The following KCNN3 variants were observed in gnomAD, a reference collection of about 807,000 sequenced individuals.
KCNN3 encodes the protein potassium calcium-activated channel subfamily N member 3, also known as small conductance calcium-activated potassium channel protein 3.
Under a neutral mutation model 62.9 loss-of-function variants are expected in KCNN3, and 16 were observed. That is an observed-to-expected ratio of 0.25 (90% CI 0.17 to 0.39). KCNN3 has a LOEUF of 0.39. Among genes scored for constraint, KCNN3 ranks in the 10% least tolerant of loss-of-function variants. The probability of loss-of-function intolerance (pLI) is 1.00; values close to 1 mark genes in which losing one functional copy is unlikely to be tolerated. For synonymous variants in KCNN3, 370 were observed against 389.2 expected (o/e 0.95, Z 0.58); for missense variants, 599 against 949.4 (o/e 0.63, Z 4.85).
chr1:154,778,232 T>C (rs1483602901), intron 2 of KCNN3, among the ~76,000 whole-genome samples: 2 of 152,184 alleles, frequency 1.3e-5, no homozygotes, highest in Non-Finnish European at 2.9e-5. Flanking sequence ...GATTCCAAAC[T>C]TTCCTTTAAG....
chr1:154,826,063 AAAAACAAAAACAAAAAC>A lies in KCNN3; in HGVS notation c.934-3896_934-3880del, dbSNP rs1220182835. On this transcript the variant is annotated intron_variant, in intron 1 of 7. Coordinates refer to ENST00000271915, the MANE Select transcript of KCNN3 (RefSeq NM_002249.6). ...CTCCATCTTAAAAAAAAACAAAAACAAAAACAAAAACAAAAACAAAAACAAAAAAAACCAAAAAACAC... is the reference window on the plus strand; with the variant it reads ...CTCCATCTTAAAAAAAAACAAAAACAAAAAACAAAAAAAACCAAAAAACAC... Among the ~76,000 whole-genome samples the A allele has an allele frequency of 5.0e-3, 87 of 17,458 alleles. 2 individuals are homozygous for A. Among genetic ancestry groups the A allele is most frequent in the African/African-American group, 0.017 (84 of 5,050 alleles). The allele number at this position is 17,458 out of a possible 152,430, so 11.5% of individuals were successfully genotyped here. A position where few individuals can be genotyped will look rare whatever the true frequency, so the allele number is the denominator to read the frequency against.
At chr1:154,847,363 G>T (rs565403652) in intron 1 of KCNN3, among the ~76,000 whole-genome samples, 2 of 152,180 alleles carry the variant, frequency 1.3e-5, no homozygotes, top group Non-Finnish European at 2.9e-5. Context: ...CCTGGGCAGA[G>T]GCCCAGCCAG....
chr1:154,707,093 A>G lies in KCNN3; in HGVS notation c.*883T>C, dbSNP rs1699978257. ...TTGGCTTGGCATCCATTTCAAATCA[A>G]GCAAGGTGCATATCCAGGACAAAGC... On this transcript the variant is annotated 3_prime_UTR_variant, in exon 8 of 8. Transcript: ENST00000271915. 6.6e-6 allele frequency: 1 copy of G among 152,208 alleles called. No individual in the cohort carries two copies. Among genetic ancestry groups the G allele is most frequent in the South Asian group, 2.1e-4 (1 of 4,832 alleles). 9.4% of individuals were successfully genotyped at this position (152,208 alleles called of 1,614,324 possible). A position where few individuals can be genotyped will look rare whatever the true frequency, so the allele number is the denominator to read the frequency against.
chr1:154,770,506 G>C (rs538633861), intron 3 of KCNN3, among the ~76,000 whole-genome samples: 2 of 152,156 alleles, frequency 1.3e-5, no homozygotes, highest in African/African-American at 4.8e-5. Context: ...CAATATAATC[G>C]TAAGTGTTGA....
At chr1:154,760,917 C>G (rs963406305) in intron 3 of KCNN3, among the ~76,000 whole-genome samples, 1 of 152,246 alleles carries the variant, frequency 6.6e-6, no homozygotes, top group Non-Finnish European at 1.5e-5. Flanking sequence ...GGCCACTGGC[C>G]GACGGGTCGG....
At chr1:154,782,812 G>A (rs923526399) in intron 2 of KCNN3, among the ~76,000 whole-genome samples, 1 of 152,124 alleles carries the variant, frequency 6.6e-6, no homozygotes, top group African/African-American at 2.4e-5. Flanking sequence ...AATTGCCTGG[G>A]GCTTGCAGCA....
chr1:154,756,395 C>T (rs1197130274), intron 3 of KCNN3, among the ~76,000 whole-genome samples: 4 of 152,140 alleles, frequency 2.6e-5, no homozygotes, highest in Admixed American at 6.5e-5. Flanking sequence ...AAAGGCTTTC[C>T]ACTGCACTTA....
chr1:154,818,644 G>A (rs946014845), intron 2 of KCNN3, among the ~76,000 whole-genome samples: 8 of 152,188 alleles, frequency 5.3e-5, no homozygotes, highest in Non-Finnish European at 8.8e-5. Context: ...ATGCAGCAAC[G>A]TAGCGCCGTC....
intron 2 of KCNN3, among the ~76,000 whole-genome samples, chr1:154,811,173 G>A (rs943589878): frequency 4.6e-5 from 7 of 152,164 alleles, no homozygotes; most frequent in South Asian, 2.1e-4. Flanking sequence ...ACCCCGGCCC[G>A]TGACGTTAGG....
intron 2 of KCNN3, among the ~76,000 whole-genome samples, chr1:154,780,780 T>C (rs570685757): frequency 6.6e-6 from 1 of 152,090 alleles, no homozygotes; most frequent in East Asian, 1.9e-4. Flanking sequence ...CAGCAATGGT[T>C]GGTAAAATTA....
chr1:154,771,889 G>A (rs1571259488), intron 3 of KCNN3, 86 bp downstream of exon 3: 1 of 1,352,232 alleles, frequency 7.4e-7, no homozygotes, highest in African/African-American at 1.4e-5. Flanking sequence ...TCCTCCATCA[G>A]ACCACATACT....
At position 154,734,660 on chromosome 1, in the gene KCNN3, G is replaced by T. The variant is rs143266898; in HGVS notation, c.1449-1516C>A. On this transcript the variant is annotated intron_variant, in intron 3 of 7. Transcript: ENST00000271915. Reference sequence around the variant, plus strand: ...GGGCCTGGAAGGAGACAGGAGCTCAGCCAGTCAGAAAGGGACAGGGCCATC... The same window carrying T: ...GGGCCTGGAAGGAGACAGGAGCTCATCCAGTCAGAAAGGGACAGGGCCATC... Among the ~76,000 whole-genome samples the T allele has an allele frequency of 5.4e-3, 816 of 152,332 alleles. 8 individuals are homozygous for T. Among genetic ancestry groups the T allele is most frequent in the African/African-American group, 0.019 (790 of 41,572 alleles).
At chr1:154,714,245 GTA>G (rs1369699613) in intron 6 of KCNN3, among the ~76,000 whole-genome samples, 6,078 of 108,572 alleles carry the variant, frequency 0.056, no homozygotes, top group Non-Finnish European at 0.065. Context: ...TGTGCGGTGT[GTA>G]TGGTGTGTGT....
At chr1:154,781,584 A>C (rs915113743) in intron 2 of KCNN3, among the ~76,000 whole-genome samples, 4 of 152,176 alleles carry the variant, frequency 2.6e-5, no homozygotes, top group African/African-American at 9.7e-5. Context: ...TCTCCATAGA[A>C]CCCTTTGACT....
At chr1:154,771,843 A>G (rs1648572397) in intron 3 of KCNN3, 132 bp downstream of exon 3, 1 of 903,026 alleles carries the variant, frequency 1.1e-6, no homozygotes, top group Admixed American at 2.0e-5. Flanking sequence ...CCTCTTTCCC[A>G]TTGTCTCCTT....
chr1:154,862,462 T>C lies in KCNN3; in HGVS notation c.933+6570A>G, dbSNP rs1652804946. Among the ~76,000 whole-genome samples the C allele has an allele frequency of 6.6e-6, 1 of 152,106 alleles. No homozygotes were observed. The highest frequency in any genetic ancestry group is 1.5e-5 in the Non-Finnish European group (1 of 68,014). On this transcript the variant is annotated intron_variant, in intron 1 of 7. Coordinates refer to ENST00000271915, the MANE Select transcript of KCNN3 (RefSeq NM_002249.6). This position sits in a 1 kb window ranked among gnomAD's most constrained non-coding sequence, Gnocchi z 4.1. ...GGAGGTGAGGGGTGAGAGAGTTATG[T>C]ATGGACATGTCCAGTCAGGTCTAGG...
intron 5 of KCNN3, among the ~76,000 whole-genome samples, chr1:154,722,247 C>T (rs76956149): frequency 1.4e-4 from 21 of 152,168 alleles, no homozygotes; most frequent in Admixed American, 1.0e-3. Flanking sequence ...TTGCATATAC[C>T]GGTAAGAGAC....
chr1:154,710,096 G>A (rs1700044778), intron 7 of KCNN3, among the ~76,000 whole-genome samples: 4 of 152,218 alleles, frequency 2.6e-5, no homozygotes, highest in African/African-American at 7.2e-5. Context: ...AGTAATTGAA[G>A]CAATCGGGGA....
At position 154,809,459 on chromosome 1, in the gene KCNN3, T is replaced by C. The variant is rs1212005894; in HGVS notation, c.1029+12630A>G. On this transcript the variant is annotated intron_variant, in intron 2 of 7. Coordinates refer to ENST00000271915, the MANE Select transcript of KCNN3 (RefSeq NM_002249.6). The surrounding 1 kb of genome is among the most constrained non-coding windows in gnomAD (Gnocchi z 4.3). Reference sequence around the variant, plus strand: ...ACAGGAGGCCACAAAACTTTTAAGATGAAAAAGATTTGCAAATCCTTGAAG... The same window carrying C: ...ACAGGAGGCCACAAAACTTTTAAGACGAAAAAGATTTGCAAATCCTTGAAG... Among the ~76,000 whole-genome samples the C allele has an allele frequency of 6.6e-6, 1 of 152,186 alleles. No individual in the cohort carries two copies. The highest frequency in any genetic ancestry group is 1.5e-5 in the Non-Finnish European group (1 of 68,012).
Sources: gnomAD v4.1 joint callset for allele counts (sites outside exome capture counted in the v4.1 genomes callset) on GRCh38, gnomAD v4.1.1 for gene constraint, Gnocchi (gnomAD v3.1) non-coding constraint, MANE v1.5 for transcripts, NCBI Gene and HGNC (gene_info 2026-07-23, HGNC 2026-07-21) for gene names.